The following ZNF101 variants were observed in gnomAD, a reference collection of about 807,000 sequenced individuals.
ZNF101 encodes the protein zinc finger protein 101 (Y2).
In ZNF101, 34 loss-of-function variants were observed where a neutral mutation model predicts 42.6. The observed-to-expected ratio is 0.80, with a 90% CI of 0.61 to 1.06. ZNF101 has a LOEUF of 1.06. ZNF101 is among the 50% of genes least tolerant of loss of function. ZNF101 has a pLI of 0.00. For synonymous variants in ZNF101, 158 were observed against 183.9 expected (o/e 0.86, Z 1.14); for missense variants, 466 against 530.9 (o/e 0.88, Z 1.20).
upstream of ZNF101, chr19:19,668,658 C>T: frequency 2.4e-6 from 1 of 415,310 alleles, no homozygotes; most frequent in South Asian, 3.9e-5. Flanking sequence ...TCAGTCACAC[C>T]CCACACAGCG....
In ZNF101 at chr19:19,681,338, CCATT is replaced by C; in HGVS notation, c.*1041_*1044del. The stretch of plus-strand genomic sequence containing the variant: ...GGGGAAACTCTCATTGCTCTCATCT[CCATT>C]CAAAGACACGTGTCAGTGCACACTG... On this transcript the variant is annotated 3_prime_UTR_variant, in exon 4 of 4. Transcript: ENST00000592502. The C allele has an allele frequency of 6.6e-6, 1 of 152,346 alleles. No homozygotes were observed. The highest frequency in any genetic ancestry group is 1.9e-4 in the East Asian group (1 of 5,188). 9.4% of individuals were successfully genotyped at this position (152,346 alleles called of 1,614,324 possible).
intron 1 of ZNF101, among the ~76,000 whole-genome samples, chr19:19,673,962 T>A (rs2062187407): frequency 6.6e-6 from 1 of 151,184 alleles, no homozygotes; most frequent in Non-Finnish European, 1.5e-5. Flanking sequence ...CCCGACTAAT[T>A]TTTGTATTTT....
At chr19:19,675,917 A>G (rs368031486) in intron 1 of ZNF101, among the ~76,000 whole-genome samples, 1 of 152,152 alleles carries the variant, frequency 6.6e-6, no homozygotes, top group Non-Finnish European at 1.5e-5. Flanking sequence ...TGATCACTTG[A>G]GCCTGGGAGG....
upstream of ZNF101, chr19:19,668,706 G>C (rs2062148299): frequency 2.1e-6 from 1 of 472,842 alleles, no homozygotes; most frequent in Non-Finnish European, 3.8e-6. Flanking sequence ...CTCTCCTGTC[G>C]CTCAAGCCCC....
At chr19:19,670,818 A>C (rs914836540) in intron 1 of ZNF101, among the ~76,000 whole-genome samples, 1 of 151,322 alleles carries the variant, frequency 6.6e-6, no homozygotes, top group Non-Finnish European at 1.5e-5. Context: ...AAAAAAAGGC[A>C]TGGTAGGTCG....
Position 19,681,585 on chromosome 19 carries a change from A to G in ZNF101, c.*1285A>G, listed in dbSNP as rs1014300772. ...GGCAACCTGGAGAAATCCCATGTAT[A>G]CAAAAAATAGAAAAGTTAGCCAGGG... On this transcript the variant is annotated 3_prime_UTR_variant, in exon 4 of 4. Coordinates refer to ENST00000592502, the MANE Select transcript of ZNF101 (RefSeq NM_033204.4). 9 of 152,088 alleles carry G rather than the reference A, an allele frequency of 5.9e-5. No individual in the cohort carries two copies. Among genetic ancestry groups the G allele is most frequent in the Non-Finnish European group, 8.8e-5 (6 of 68,022 alleles). The allele number at this position is 152,088 out of a possible 1,614,324, so 9.4% of individuals were successfully genotyped here.
In ZNF101 at chr19:19,668,897, T is replaced by C. The variant is rs12976582; in HGVS notation, c.-67T>C. ...CCTGGTGCCCCGGATACGGCTGATTTTGTCGTGTGGGACCTGTTCTGGCTG... is the reference window on the plus strand; with the variant it reads ...CCTGGTGCCCCGGATACGGCTGATTCTGTCGTGTGGGACCTGTTCTGGCTG... On this transcript the variant is annotated 5_prime_UTR_variant, in exon 1 of 4. Transcript: ENST00000592502. 0.049 allele frequency: 75,259 copies of C among 1,526,454 alleles called. 2,460 individuals are homozygous for C. The highest frequency in any genetic ancestry group is 0.15 in the East Asian group (6,083 of 39,926). 94.6% of individuals were successfully genotyped at this position (1,526,454 alleles called of 1,614,324 possible).
chr19:19,677,972 A>G lies in ZNF101; in HGVS notation c.112A>G (p.Arg38Gly). 6.2e-7 allele frequency: 1 copy of G among 1,611,774 alleles called. No homozygotes were observed. ...CAGAGATGTGACGCTGGAAACCTTC[A>G]GGAACCTGGCCTCGGTCGGTAAGAA... is the stretch of plus-strand genomic sequence containing the variant. ...LYRDVTLETF[R>G]NLASVGIQWK... The change falls in exon 2 of 4, where the codon AGG becomes GGG. Residue 38 changes from arginine (R) to glycine (G), a missense_variant. Coordinates refer to ENST00000592502, the MANE Select transcript of ZNF101 (RefSeq NM_033204.4).
At chr19:19,669,287 G>A (rs1304154836) in intron 1 of ZNF101, among the ~76,000 whole-genome samples, 1 of 152,164 alleles carries the variant, frequency 6.6e-6, no homozygotes, top group Admixed American at 6.5e-5. Flanking sequence ...AGGAGCCGTG[G>A]CCTGTGGGGT....
intron 1 of ZNF101, among the ~76,000 whole-genome samples, chr19:19,670,198 G>A (rs1239650395): frequency 6.6e-6 from 1 of 152,160 alleles, no homozygotes; most frequent in African/African-American, 2.4e-5. Flanking sequence ...AGTTTCCTTA[G>A]GAAATTCCAG....
chr19:19,670,699 C>A (rs1334294414), intron 1 of ZNF101, among the ~76,000 whole-genome samples: 1 of 151,906 alleles, frequency 6.6e-6, no homozygotes, highest in Non-Finnish European at 1.5e-5. Flanking sequence ...TTGAGACTGC[C>A]GTTAGCTGTG....
chr19:19,679,300 G>A lies in ZNF101; in HGVS notation c.311G>A (p.Cys104Tyr). The A allele has an allele frequency of 1.9e-6, 3 of 1,614,184 alleles. No individual in the cohort carries two copies. Among genetic ancestry groups the A allele is most frequent in the Non-Finnish European group, 2.5e-6 (3 of 1,180,048 alleles). Residue 104 changes from cysteine (C) to tyrosine (Y), a missense_variant, in exon 4 of 4, where the codon TGC (cysteine) becomes TAC (tyrosine). By Grantham distance (194) the Cys-to-Tyr change is radical. Coordinates refer to ENST00000592502, the MANE Select transcript of ZNF101 (RefSeq NM_033204.4). ...KSQTGVKPCK[C>Y]SVCGKVFLRH... ...CAAACTGGAGTGAAACCATGCAAAT[G>A]CAGCGTGTGTGGGAAAGTCTTCCTC...
chr19:19,678,269 G>C (rs1339203385), intron 2 of ZNF101, among the ~76,000 whole-genome samples: 1 of 151,370 alleles, frequency 6.6e-6, no homozygotes, highest in African/African-American at 2.4e-5. Context: ...AATTGTGGCA[G>C]CTCATGCCTA....
upstream of ZNF101, among the ~76,000 whole-genome samples, chr19:19,668,637 G>GCTA (rs2062147478): frequency 6.6e-6 from 1 of 152,052 alleles, no homozygotes; most frequent in Non-Finnish European, 1.5e-5. Context: ...AGGGGCTGTG[G>GCTA]GTAGCACCTG....
At chr19:19,676,478 T>C (rs1281264143) in intron 1 of ZNF101, 4 of 152,216 alleles carry the variant, frequency 2.6e-5, no homozygotes, top group African/African-American at 9.6e-5. Flanking sequence ...AATAGTATGC[T>C]GTCCTGAATG....
upstream of ZNF101, among the ~76,000 whole-genome samples, chr19:19,668,198 A>G (rs2062143743): frequency 6.6e-6 from 1 of 152,058 alleles, no homozygotes; most frequent in African/African-American, 2.4e-5. Flanking sequence ...AGAGACCTGA[A>G]GTCAGTCAAG....
intron 1 of ZNF101, among the ~76,000 whole-genome samples, chr19:19,674,947 A>G (rs765228749): frequency 4.6e-5 from 7 of 151,550 alleles, no homozygotes; most frequent in Non-Finnish European, 7.4e-5. Flanking sequence ...CAACCTCCCC[A>G]GTAGCTGGGA....
intron 2 of ZNF101, 149 bp from the exon 3 acceptor site, chr19:19,678,577 T>C (rs533378589): frequency 4.8e-6 from 3 of 622,176 alleles, no homozygotes; most frequent in East Asian, 6.0e-5. Flanking sequence ...ATTGCATCAC[T>C]GCACTCCAGC....
intron 1 of ZNF101, among the ~76,000 whole-genome samples, chr19:19,670,970 G>A (rs2062164883): frequency 1.3e-5 from 2 of 152,186 alleles, no homozygotes. Flanking sequence ...GCCAGGCGTG[G>A]TGGCGAGCGC....
Sources: allele counts gnomAD v4.1 joint callset (sites outside exome capture counted in the v4.1 genomes callset), GRCh38; gene constraint gnomAD v4.1.1; transcripts MANE v1.5; gene names NCBI Gene and HGNC (gene_info 2026-07-23, HGNC 2026-07-21).